Variants in NUFIP1 observed in about 807,000 individuals in gnomAD.
The protein encoded by NUFIP1 is nuclear FMR1 interacting protein 1.
NUFIP1 carries 38 observed loss-of-function variants against 56.2 expected under a neutral mutation model. The ratio of observed to expected loss-of-function variants is 0.68; its 90% confidence interval spans 0.52 to 0.89. The LOEUF is 0.89. Ranked by LOEUF, NUFIP1 falls within the 40% of genes least tolerant of loss-of-function variation. The probability of loss-of-function intolerance (pLI) is 0.00; values close to 1 mark genes in which losing one functional copy is unlikely to be tolerated. For synonymous variants in NUFIP1, 215 were observed against 212.4 expected, an observed-to-expected ratio of 1.01 and a Z score of -0.10; for missense variants, 567 against 605.8, an observed-to-expected ratio of 0.94 and a Z score of 0.67.
In NUFIP1 at chr13:44,989,451, C is replaced by G; in HGVS notation, c.-15G>C. Reference sequence around the variant, plus strand: ...GGCTCAGCCATACCACTGGCGGGTCCGGAGTCTAGCACGCGACTGTGGAGC... The same window carrying G: ...GGCTCAGCCATACCACTGGCGGGTCGGGAGTCTAGCACGCGACTGTGGAGC... On this transcript the variant is annotated 5_prime_UTR_variant, in exon 1 of 10. Coordinates refer to ENST00000379161, the MANE Select transcript of NUFIP1 (RefSeq NM_012345.3). 1.2e-6 allele frequency: 2 copies of G among 1,611,050 alleles called. No individual in the cohort carries two copies. The highest frequency in any genetic ancestry group is 1.1e-5 in the South Asian group (1 of 90,660).
At chr13:44,983,770 C>A (rs1872281706) in intron 1 of NUFIP1, among the ~76,000 whole-genome samples, 2 of 152,180 alleles carry the variant, frequency 1.3e-5, no homozygotes, top group Admixed American at 1.3e-4. Flanking sequence ...GCACTCCAGC[C>A]TGGGCCACAG....
intron 7 of NUFIP1, among the ~76,000 whole-genome samples, chr13:44,950,370 G>C (rs1349721434): frequency 6.6e-6 from 1 of 152,192 alleles, no homozygotes; most frequent in African/African-American, 2.4e-5. Flanking sequence ...TTTAGAGACA[G>C]AGTCTTGCTC....
At chr13:44,982,879 G>T (rs1238720281) in intron 1 of NUFIP1, among the ~76,000 whole-genome samples, 1 of 152,098 alleles carries the variant, frequency 6.6e-6, no homozygotes, top group African/African-American at 2.4e-5. Flanking sequence ...ATGATGGCAT[G>T]CACCTGTAGT....
chr13:44,986,774 G>A (rs1872413363), intron 1 of NUFIP1, among the ~76,000 whole-genome samples: 1 of 151,978 alleles, frequency 6.6e-6, no homozygotes, highest in Admixed American at 6.6e-5. Flanking sequence ...GATGAGAAGT[G>A]GCTTCTTATG....
At chr13:44,986,606 G>A (rs1468387283) in intron 1 of NUFIP1, among the ~76,000 whole-genome samples, 4 of 151,324 alleles carry the variant, frequency 2.6e-5, no homozygotes, top group African/African-American at 9.7e-5. Flanking sequence ...GCAGGAGAAC[G>A]GCGTGAACCT....
intron 6 of NUFIP1, among the ~76,000 whole-genome samples, chr13:44,965,428 G>A (rs1460308728): frequency 6.6e-6 from 1 of 152,334 alleles, no homozygotes; most frequent in South Asian, 2.1e-4. Flanking sequence ...CAGGCATGGG[G>A]CCAGGTGCGG....
chr13:44,976,940 A>T (rs554063492), intron 5 of NUFIP1, among the ~76,000 whole-genome samples: 12 of 152,284 alleles, frequency 7.9e-5, no homozygotes, highest in African/African-American at 2.9e-4. Context: ...GAATGAATTA[A>T]TCCATTTATG....
At chr13:44,967,929 T>C (rs138389433) in intron 5 of NUFIP1, among the ~76,000 whole-genome samples, 15 of 149,034 alleles carry the variant, frequency 1.0e-4, no homozygotes, top group Non-Finnish European at 2.1e-4. Flanking sequence ...TGTTCTGCCA[T>C]TGCTTCTAGG....
intron 7 of NUFIP1, among the ~76,000 whole-genome samples, chr13:44,955,734 G>C (rs1442739550): frequency 1.3e-5 from 2 of 152,064 alleles, no homozygotes; most frequent in African/African-American, 4.8e-5. Context: ...ATTTACGGCA[G>C]GGGTGTCCAA....
At chr13:44,983,145 T>C (rs1033017444) in intron 1 of NUFIP1, among the ~76,000 whole-genome samples, 1 of 151,816 alleles carries the variant, frequency 6.6e-6, no homozygotes, top group Non-Finnish European at 1.5e-5. Context: ...TGAGCCACCA[T>C]GCCCAGCTGA....
In NUFIP1 at chr13:44,959,481, T is replaced by C. The variant is rs1233966004; in HGVS notation, c.921A>G (p.Arg307=). The change falls in exon 7 of 10, where the codon AGA becomes AGG. Residue 307 remains arginine (R), a synonymous_variant. Transcript: ENST00000379161. ...AGTGACTGCCTGATCCAGTGACTGC[T>C]CTCTGTCTAGAATTGTCGTTTTTCC... is the stretch of plus-strand genomic sequence containing the variant. ...HKWKNDNSRQ[R]AVTGSGSHLC... 6.2e-7 allele frequency: 1 copy of C among 1,614,064 alleles called. No individual in the cohort carries two copies. Among genetic ancestry groups the C allele is most frequent in the East Asian group, 2.2e-5 (1 of 44,896 alleles).
At chr13:44,954,044 G>T (rs910699404) in intron 7 of NUFIP1, among the ~76,000 whole-genome samples, 1 of 152,074 alleles carries the variant, frequency 6.6e-6, no homozygotes, top group South Asian at 2.1e-4. Context: ...AAGTCCCTGG[G>T]ATCTACCTAG....
chr13:44,981,767 G>A (rs534569100), intron 2 of NUFIP1, among the ~76,000 whole-genome samples: 26 of 152,012 alleles, frequency 1.7e-4, no homozygotes, highest in African/African-American at 4.1e-4. Flanking sequence ...AGCCAAGATC[G>A]TACCACTGCA....
rs1192444178 is a variant in NUFIP1 at position 44,957,139 on chromosome 13, T to C, written c.1021+2242A>G. ...ATCTTTGACACTCGAAATAGGCATG[T>C]TCCCATCCTTGACCCTCATTATAGG... On this transcript the variant is annotated intron_variant, in intron 7 of 9. Coordinates refer to ENST00000379161, the MANE Select transcript of NUFIP1 (RefSeq NM_012345.3). Among the ~76,000 whole-genome samples the C allele has an allele frequency of 4.6e-5, 7 of 152,324 alleles. No homozygotes were observed. In the East Asian group the frequency reaches 1.2e-3, roughly 25 times the overall value.
rs376416850 is a variant in NUFIP1 at position 44,941,169 on chromosome 13, C to G, written c.*37G>C. 3.8e-5 allele frequency: 40 copies of G among 1,059,570 alleles called. No homozygotes were observed. Among genetic ancestry groups the G allele is most frequent in the Admixed American group, 3.4e-4 (16 of 47,502 alleles). 65.6% of individuals were successfully genotyped at this position (1,059,570 alleles called of 1,614,324 possible). ...TCTACTAACGAGGATGATACTGTTT[C>G]ACATGCTTCAGTTATGTATGCTGAA... On this transcript the variant is annotated 3_prime_UTR_variant, in exon 10 of 10. Transcript: ENST00000379161.
intron 7 of NUFIP1, among the ~76,000 whole-genome samples, chr13:44,950,107 G>A (rs1380361065): frequency 6.6e-6 from 1 of 152,144 alleles, no homozygotes; most frequent in Admixed American, 6.5e-5. Context: ...TATACAATCT[G>A]AGCATACTCT....
intron 1 of NUFIP1, among the ~76,000 whole-genome samples, chr13:44,984,549 G>A (rs762041368): frequency 6.6e-6 from 1 of 152,184 alleles, no homozygotes; most frequent in Non-Finnish European, 1.5e-5. Flanking sequence ...GGCTGAGGCA[G>A]AAGGATCCCT....
At chr13:44,982,211 T>G (rs1168758771) in intron 1 of NUFIP1, 57 bp from the exon 2 acceptor site, 1 of 859,452 alleles carries the variant, frequency 1.2e-6, no homozygotes, top group Non-Finnish European at 1.6e-6. Flanking sequence ...AAATTATAAT[T>G]AAATTTTATC....
Position 44,941,127 on chromosome 13 carries a change from A to T in NUFIP1, c.*79T>A, listed in dbSNP as rs1417010790. On this transcript the variant is annotated 3_prime_UTR_variant, in exon 10 of 10. Transcript: ENST00000379161. The stretch of plus-strand genomic sequence containing the variant: ...TTACAAATCCAATTTTGACGGAAAA[A>T]AGGGTTTTGGTTTTCCTCTACTAAC... The T allele has an allele frequency of 9.9e-6, 7 of 708,888 alleles. No homozygotes were observed. In the Admixed American group the frequency reaches 1.8e-4, roughly 19 times the overall value. The allele number at this position is 708,888 out of a possible 1,614,324, so 43.9% of individuals were successfully genotyped here.
Sources: gnomAD v4.1 joint callset for allele counts (sites outside exome capture counted in the v4.1 genomes callset) on GRCh38, gnomAD v4.1.1 for gene constraint, MANE v1.5 for transcripts, NCBI Gene and HGNC (gene_info 2026-07-23, HGNC 2026-07-21) for gene names.